Variants in SPATA17 observed in about 807,000 individuals in gnomAD.
SPATA17 encodes spermatogenesis associated 17.
Under a neutral mutation model 62.2 loss-of-function variants are expected in SPATA17, and 53 were observed. That is an observed-to-expected ratio of 0.85 (90% CI 0.68 to 1.07). SPATA17 has a LOEUF of 1.07. Ranked by LOEUF, SPATA17 falls within the 50% of genes least tolerant of loss-of-function variation. SPATA17 has a pLI of 0.00. For synonymous variants in SPATA17, 146 were observed against 146.8 expected (o/e 0.99, Z 0.04); for missense variants, 466 against 425.5 (o/e 1.10, Z -0.84).
chr1:217,810,400 G>T (rs1235314914), intron 9 of SPATA17, among the ~76,000 whole-genome samples: 1 of 152,048 alleles, frequency 6.6e-6, no homozygotes, highest in Admixed American at 6.6e-5. Context: ...AAGGCAGGCG[G>T]ATCACAGAGT....
intron 9 of SPATA17, among the ~76,000 whole-genome samples, chr1:217,854,224 C>T (rs544393917): frequency 1.4e-4 from 22 of 152,184 alleles, no homozygotes; most frequent in South Asian, 6.2e-4. Flanking sequence ...CATACTCTTA[C>T]GTCAGGTTTT....
At chr1:217,842,063 C>A (rs1206970259) in intron 9 of SPATA17, among the ~76,000 whole-genome samples, 2 of 151,662 alleles carry the variant, frequency 1.3e-5, no homozygotes, top group East Asian at 1.9e-4. Flanking sequence ...TTATCAAATT[C>A]TTCTGCATCT....
chr1:217,639,068 A>G (rs1183260689), intron 1 of SPATA17, among the ~76,000 whole-genome samples: 1 of 152,118 alleles, frequency 6.6e-6, no homozygotes, highest in African/African-American at 2.4e-5. Flanking sequence ...GAAAACTTCT[A>G]AACTGAAGAA....
chr1:217,824,420 T>C (rs187044484), intron 9 of SPATA17, among the ~76,000 whole-genome samples: 3 of 151,470 alleles, frequency 2.0e-5, no homozygotes, highest in Admixed American at 2.0e-4. Flanking sequence ...AAAATAATTG[T>C]ACAATAAATT....
chr1:217,659,153 A>C (rs182904616), intron 3 of SPATA17, among the ~76,000 whole-genome samples: 2 of 151,948 alleles, frequency 1.3e-5, no homozygotes, highest in South Asian at 2.1e-4. Flanking sequence ...TAATTTAAAA[A>C]GAAATTCAAT....
At chr1:217,770,371 C>CCCGGAA (rs1352780626) in intron 6 of SPATA17, among the ~76,000 whole-genome samples, 7 of 152,124 alleles carry the variant, frequency 4.6e-5, no homozygotes, top group African/African-American at 1.4e-4. Flanking sequence ...ATCCTGAATA[C>CCCGGAA]TTAATCATTC....
intron 8 of SPATA17, among the ~76,000 whole-genome samples, chr1:217,783,728 T>A (rs1020657379): frequency 2.0e-5 from 3 of 152,188 alleles, no homozygotes; most frequent in African/African-American, 7.2e-5. Context: ...ATCTGATTGA[T>A]ATTTCTACAG....
chr1:217,815,042 T>A (rs1206568921), intron 9 of SPATA17, among the ~76,000 whole-genome samples: 1 of 152,162 alleles, frequency 6.6e-6, no homozygotes, highest in Admixed American at 6.6e-5. Flanking sequence ...AATTTATGTT[T>A]TTCTTGCTGT....
chr1:217,783,627 C>T (rs1405616119), intron 8 of SPATA17, among the ~76,000 whole-genome samples: 2 of 152,030 alleles, frequency 1.3e-5, no homozygotes, highest in Non-Finnish European at 2.9e-5. Flanking sequence ...AGTTATATTA[C>T]TCAGAATTCT....
At chr1:217,725,481 G>A (rs1364244590) in intron 5 of SPATA17, among the ~76,000 whole-genome samples, 4 of 151,848 alleles carry the variant, frequency 2.6e-5, no homozygotes, top group African/African-American at 7.3e-5. Flanking sequence ...TTTATTTTTA[G>A]AGATAGAGTC....
At chr1:217,689,221 C>CTTTTTTTTTT (rs200885875) in intron 5 of SPATA17, among the ~76,000 whole-genome samples, 1 of 102,592 alleles carries the variant, frequency 9.7e-6, no homozygotes, top group Non-Finnish European at 1.8e-5. Flanking sequence ...TTTATTATGT[C>CTTTTTTTTTT]TTTTTTTTTT....
chr1:217,649,934 C>CTTTTTT (rs771612819), intron 2 of SPATA17, among the ~76,000 whole-genome samples: 27 of 120,430 alleles, frequency 2.2e-4, no homozygotes, highest in African/African-American at 6.3e-4. Flanking sequence ...AGGCTTCTCT[C>CTTTTTT]TTTTTTTTTT....
At chr1:217,845,114 G>A (rs1440273959) in intron 9 of SPATA17, among the ~76,000 whole-genome samples, 1 of 151,836 alleles carries the variant, frequency 6.6e-6, no homozygotes, top group East Asian at 1.9e-4. Flanking sequence ...CTTTGACTCT[G>A]TTTTCATAAG....
At chr1:217,748,034 T>A (rs1188319434) in intron 6 of SPATA17, among the ~76,000 whole-genome samples, 1 of 152,154 alleles carries the variant, frequency 6.6e-6, no homozygotes, top group Non-Finnish European at 1.5e-5. Context: ...CCGGGCGCGG[T>A]GGCTCACGCC....
intron 5 of SPATA17, among the ~76,000 whole-genome samples, chr1:217,723,110 C>A (rs1004380151): frequency 6.6e-6 from 1 of 152,176 alleles, no homozygotes; most frequent in Non-Finnish European, 1.5e-5. Flanking sequence ...GGCCAGAACT[C>A]CAGTCCACAG....
chr1:217,778,557 A>G (rs1451243649), intron 7 of SPATA17, among the ~76,000 whole-genome samples: 1 of 152,122 alleles, frequency 6.6e-6, no homozygotes, highest in Non-Finnish European at 1.5e-5. Flanking sequence ...GTTGCATGCT[A>G]TATTCATTTG....
At chr1:217,773,470 T>C (rs1420257680) in intron 6 of SPATA17, among the ~76,000 whole-genome samples, 1 of 152,150 alleles carries the variant, frequency 6.6e-6, no homozygotes, top group Non-Finnish European at 1.5e-5. Flanking sequence ...CAAAGATTGG[T>C]ATCTAATACC....
At chr1:217,852,164 C>A (rs76536645) in intron 9 of SPATA17, among the ~76,000 whole-genome samples, 2,067 of 152,222 alleles carry the variant, frequency 0.014, 12 homozygotes, top group Middle Eastern at 0.048. Context: ...CTGACATTGA[C>A]AAAAGTTAGT....
intron 6 of SPATA17, among the ~76,000 whole-genome samples, chr1:217,749,985 C>CTCTCTCTCTCTCTCTCTCTATATA: frequency 1.6e-4 from 2 of 12,314 alleles, no homozygotes; most frequent in Non-Finnish European, 3.2e-4. Context: ...CTCTCTCTCT[C>CTCTCTCTCTCTCTCTCTCTATATA]TATATATATA....
Sources: gnomAD v4.1 joint callset for allele counts (sites outside exome capture counted in the v4.1 genomes callset) on GRCh38, gnomAD v4.1.1 for gene constraint, MANE v1.5 for transcripts, NCBI Gene and HGNC (gene_info 2026-07-23, HGNC 2026-07-21) for gene names.